Variants in DSCAM observed in about 807,000 individuals in gnomAD.
The protein encoded by DSCAM is cell adhesion molecule DSCAM.
In DSCAM, 47 loss-of-function variants were observed where a neutral mutation model predicts 217.7. The ratio of observed to expected loss-of-function variants is 0.22; its 90% CI spans 0.17 to 0.28. The LOEUF (loss-of-function observed/expected upper bound fraction) is 0.28, where lower values mean the gene tolerates loss of function less well. Ranked by LOEUF, DSCAM falls within the 10% of genes least tolerant of loss-of-function variation. DSCAM has a pLI of 1.00. For missense variants in DSCAM, 2,080 were observed against 2,618.3 expected (o/e 0.79, Z 4.49); for synonymous variants, 1,056 against 1,015.3 (o/e 1.04, Z -0.76).
At chr21:40,487,977 C>T (rs2076044402) in intron 3 of DSCAM, among the ~76,000 whole-genome samples, 1 of 152,212 alleles carries the variant, frequency 6.6e-6, no homozygotes, top group Non-Finnish European at 1.5e-5. Context: ...AAGGCACATT[C>T]AAATCCCTGG....
intron 3 of DSCAM, among the ~76,000 whole-genome samples, chr21:40,423,318 T>A (rs2075442340): frequency 6.6e-6 from 1 of 152,200 alleles, no homozygotes; most frequent in Non-Finnish European, 1.5e-5. Flanking sequence ...CAAGGACAGT[T>A]ACTAATTTTT....
In DSCAM at chr21:40,339,387, A is replaced by G; in HGVS notation, c.1239T>C (p.Phe413=). The part of the protein sequence containing the change: ...EDGTPKIISA[F]SEKVVSPAEP... The stretch of plus-strand genomic sequence containing the variant: ...CTGCTGGACTCACCACCTTTTCACT[A>G]AAGGCAGAAATAATTTTGGGAGTTC... Residue 413 remains phenylalanine, a synonymous_variant, in exon 7 of 33, where the codon TTT becomes TTC. Coordinates refer to ENST00000400454, the MANE Select transcript of DSCAM (RefSeq NM_001389.5). The G allele has an allele frequency of 6.2e-7, 1 of 1,608,744 alleles. No individual in the cohort carries two copies. Among genetic ancestry groups the G allele is most frequent in the Non-Finnish European group, 8.5e-7 (1 of 1,176,962 alleles).
At chr21:40,819,458 A>C (rs1334873186) in intron 1 of DSCAM, among the ~76,000 whole-genome samples, 2 of 152,222 alleles carry the variant, frequency 1.3e-5, no homozygotes, top group East Asian at 3.8e-4. Context: ...GGCCAAACAC[A>C]TAATGGTTGT....
chr21:40,321,826 C>A (rs528219336), intron 8 of DSCAM, among the ~76,000 whole-genome samples: 28 of 152,234 alleles, frequency 1.8e-4, no homozygotes, highest in Admixed American at 8.5e-4. Context: ...GCCATAGGGG[C>A]TCTTACATGT....
At chr21:40,110,083 A>G (rs577901430) in intron 20 of DSCAM, among the ~76,000 whole-genome samples, 133 of 152,326 alleles carry the variant, frequency 8.7e-4, no homozygotes, top group African/African-American at 2.7e-3. Flanking sequence ...TTCCCCTAGC[A>G]TGCAGCTGGA....
intron 6 of DSCAM, among the ~76,000 whole-genome samples, chr21:40,341,010 C>T (rs1372873989): frequency 6.6e-6 from 1 of 152,192 alleles, no homozygotes; most frequent in Non-Finnish European, 1.5e-5. Context: ...TCCTGAATCT[C>T]ACTTCTTCAT....
At chr21:40,271,733 G>A (rs2073619909) in intron 11 of DSCAM, among the ~76,000 whole-genome samples, 1 of 152,136 alleles carries the variant, frequency 6.6e-6, no homozygotes, top group Non-Finnish European at 1.5e-5. Flanking sequence ...AATTCCTGGT[G>A]AGCTGTTAAA....
chr21:40,601,795 T>C (rs147563504), intron 3 of DSCAM, among the ~76,000 whole-genome samples: 66 of 152,326 alleles, frequency 4.3e-4, no homozygotes, highest in African/African-American at 1.5e-3. Context: ...CAGCCTATTA[T>C]AATGCGATAG....
intron 18 of DSCAM, among the ~76,000 whole-genome samples, chr21:40,140,842 C>T (rs150758767): frequency 2.0e-5 from 3 of 152,118 alleles, no homozygotes; most frequent in Non-Finnish European, 4.4e-5. Context: ...CTGGAACCTC[C>T]ACAGGGACAG....
chr21:40,585,046 CTT>C (rs2076933913), intron 3 of DSCAM, among the ~76,000 whole-genome samples: 1 of 152,040 alleles, frequency 6.6e-6, no homozygotes, highest in Admixed American at 6.5e-5. Flanking sequence ...TGCTTCCTCT[CTT>C]GTCATGTGGG....
chr21:40,540,642 T>A (rs938614914), intron 3 of DSCAM, among the ~76,000 whole-genome samples: 7 of 152,068 alleles, frequency 4.6e-5, no homozygotes, highest in Non-Finnish European at 8.8e-5. Context: ...TAAACAAACA[T>A]GAACAAAAGA....
chr21:40,479,135 G>A lies in DSCAM; in HGVS notation c.509-109890C>T, dbSNP rs7280353. 2.0e-5 allele frequency among the ~76,000 whole-genome samples: 3 copies of A among 152,014 alleles called. No homozygotes were observed. In the South Asian group the frequency reaches 6.2e-4, roughly 32 times the overall value. On this transcript the variant is annotated intron_variant, in intron 3 of 32. Coordinates refer to ENST00000400454, the MANE Select transcript of DSCAM (RefSeq NM_001389.5). Reference sequence around the variant, plus strand: ...CTTCATTGCAATGAGGCATTTCAACGTCTAAGTAATCCTATAAATTCTATT... The same window carrying A: ...CTTCATTGCAATGAGGCATTTCAACATCTAAGTAATCCTATAAATTCTATT...
Position 40,075,023 on chromosome 21 carries a change from G to A in DSCAM, c.4888+14C>T. 6.2e-6 allele frequency: 10 copies of A among 1,613,600 alleles called. No homozygotes were observed. Among genetic ancestry groups the A allele is most frequent in the African/African-American group, 1.3e-5 (1 of 75,036 alleles). On this transcript the variant is annotated intron_variant, in intron 27 of 32. Transcript: ENST00000400454. ...AGGGGACACGCGTAGGTGGACAGCT[G>A]GGCCTGGACCTACCTCGCAGCCTCT...
chr21:40,437,712 G>A (rs1461129438), intron 3 of DSCAM, among the ~76,000 whole-genome samples: 5 of 152,138 alleles, frequency 3.3e-5, no homozygotes, highest in East Asian at 3.9e-4. Flanking sequence ...TTAGCCAGGC[G>A]TGGTGGTGGG....
chr21:40,087,628 C>T (rs407583), intron 21 of DSCAM, among the ~76,000 whole-genome samples: 3 of 152,310 alleles, frequency 2.0e-5, no homozygotes, highest in East Asian at 3.9e-4. Flanking sequence ...TTTACCTCAA[C>T]ACAAAAACTG....
intron 6 of DSCAM, among the ~76,000 whole-genome samples, chr21:40,345,361 G>A (rs995446187): frequency 2.6e-5 from 4 of 152,082 alleles, no homozygotes; most frequent in Non-Finnish European, 4.4e-5. Context: ...TGTGTCCTCA[G>A]TGGAAGAGGA....
intron 9 of DSCAM, among the ~76,000 whole-genome samples, chr21:40,303,408 A>G (rs530003624): frequency 6.6e-6 from 1 of 152,154 alleles, no homozygotes; most frequent in South Asian, 2.1e-4. Flanking sequence ...CACTTCAGTC[A>G]AGTCTCTGCT....
intron 3 of DSCAM, among the ~76,000 whole-genome samples, chr21:40,568,433 G>A (rs921910736): frequency 3.3e-5 from 5 of 152,046 alleles, no homozygotes; most frequent in Non-Finnish European, 5.9e-5. Context: ...GTTCTCCCAG[G>A]TCTTAGGGTG....
intron 1 of DSCAM, among the ~76,000 whole-genome samples, chr21:40,795,650 G>A (rs1462518069): frequency 6.6e-6 from 1 of 152,110 alleles, no homozygotes; most frequent in Non-Finnish European, 1.5e-5. Flanking sequence ...TAGAACAAAC[G>A]ACCCAAGAAC....
Sources: allele counts gnomAD v4.1 joint callset (sites outside exome capture counted in the v4.1 genomes callset), GRCh38; gene constraint gnomAD v4.1.1; transcripts MANE v1.5; gene names NCBI Gene and HGNC (gene_info 2026-07-23, HGNC 2026-07-21).